The following MYEF2 variants were observed in gnomAD, a reference collection of about 807,000 sequenced individuals.
The protein encoded by MYEF2 is myelin gene expression factor 2.
Under a neutral mutation model 75.2 loss-of-function variants are expected in MYEF2, and 37 were observed. The ratio of observed to expected loss-of-function variants is 0.49; its 90% CI spans 0.38 to 0.65. MYEF2 has a LOEUF of 0.65. Ranked by LOEUF, MYEF2 falls within the 30% of genes least tolerant of loss-of-function variation. The pLI is 0.00. For synonymous variants in MYEF2, 195 were observed against 241.6 expected (o/e 0.81, Z 1.79); for missense variants, 634 against 771.4 (o/e 0.82, Z 2.11).
At chr15:48,146,900 C>G (rs1192732116) in intron 16 of MYEF2, among the ~76,000 whole-genome samples, 1 of 151,840 alleles carries the variant, frequency 6.6e-6, no homozygotes, top group Non-Finnish European at 1.5e-5. Context: ...ACACTTAATT[C>G]TATATTATTA....
chr15:48,155,165 C>T (rs1457112468), intron 9 of MYEF2, among the ~76,000 whole-genome samples: 2 of 151,716 alleles, frequency 1.3e-5, no homozygotes, highest in Non-Finnish European at 2.9e-5. Flanking sequence ...CTAAGCCCAG[C>T]AATAACACCC....
intron 14 of MYEF2, among the ~76,000 whole-genome samples, chr15:48,150,558 C>T (rs894720796): frequency 4.6e-5 from 7 of 151,830 alleles, no homozygotes; most frequent in Admixed American, 4.0e-4. Flanking sequence ...TGGAAATAGA[C>T]GGATGGGAGA....
chr15:48,161,039 TA>T, intron 5 of MYEF2, among the ~76,000 whole-genome samples: 1 of 152,244 alleles, frequency 6.6e-6, no homozygotes, highest in African/African-American at 2.4e-5. Flanking sequence ...CTTCAACTAG[TA>T]TAGTAAGCTA....
chr15:48,174,123 T>C (rs2040432442), intron 1 of MYEF2, among the ~76,000 whole-genome samples: 1 of 152,064 alleles, frequency 6.6e-6, no homozygotes. Flanking sequence ...AACAATATGG[T>C]ACTGGTACAA....
At chr15:48,143,117 C>G in intron 16 of MYEF2, 46 bp from the exon 17 acceptor site, 1 of 1,347,134 alleles carries the variant, frequency 7.4e-7, no homozygotes, top group Non-Finnish European at 9.8e-7. Flanking sequence ...TAAATAAGTT[C>G]TATTTCACTT....
At position 48,159,741 on chromosome 15, in the gene MYEF2, G is replaced by C. The variant is rs2039864246; in HGVS notation, c.589C>G (p.His197Asp). The change falls in exon 6 of 17, where the codon CAC becomes GAC. Residue 197 changes from histidine (H) to aspartate (D), a missense_variant. Transcript: ENST00000324324. The part of the protein sequence containing the change: ...QRTGGSFPGG[H>D]VPDMGSGLMN... ...AACCCTGATCCCATATCAGGGACGT[G>C]TCCTCCTGGAAATGATCCTCCTGTT... 1 of 1,613,484 alleles carries C rather than the reference G, an allele frequency of 6.2e-7. No individual in the cohort carries two copies. Among genetic ancestry groups the C allele is most frequent in the Non-Finnish European group, 8.5e-7 (1 of 1,179,774 alleles).
Position 48,178,065 on chromosome 15 carries a change from A to T in MYEF2, c.161+12T>A. The T allele has an allele frequency of 6.3e-7, 1 of 1,593,352 alleles. No individual in the cohort carries two copies. Among genetic ancestry groups the T allele is most frequent in the Non-Finnish European group, 8.5e-7 (1 of 1,170,264 alleles). On this transcript the variant is annotated intron_variant, in intron 1 of 16. Transcript: ENST00000324324. ...CCCACCTCGCCCCGGTTCCCGGAGG[A>T]AAAGACAATACATTTTAACGCCATT...
chr15:48,137,005 G>GTT lies in MYEF2; in HGVS notation c.*5902_*5903insAA. Reference sequence around the variant, plus strand: ...GCCCATTATTAAGTCTATTCGCAAAGGAAAAACTTTAAAATTTCATTTCAA... The same window carrying GTT: ...GCCCATTATTAAGTCTATTCGCAAAGTTGAAAAACTTTAAAATTTCATTTCAA... On this transcript the variant is annotated 3_prime_UTR_variant, in exon 17 of 17. Transcript: ENST00000324324. 1 of 1,540,460 alleles carries GTT rather than the reference G, an allele frequency of 6.5e-7. No homozygotes were observed. Among genetic ancestry groups the GTT allele is most frequent in the Non-Finnish European group, 8.7e-7 (1 of 1,144,570 alleles).
At chr15:48,163,405 G>A (rs1370840511) in intron 5 of MYEF2, among the ~76,000 whole-genome samples, 3 of 152,184 alleles carry the variant, frequency 2.0e-5, no homozygotes, top group Non-Finnish European at 4.4e-5. Flanking sequence ...AGAGAGGTGA[G>A]AAAGCTGCAG....
At chr15:48,161,594 C>T (rs920238793) in intron 5 of MYEF2, among the ~76,000 whole-genome samples, 3 of 151,370 alleles carry the variant, frequency 2.0e-5, no homozygotes, top group Non-Finnish European at 4.4e-5. Context: ...GATTATATAA[C>T]TCCAGGGTCT....
chr15:48,171,120 A>C (rs2040324685), intron 1 of MYEF2, among the ~76,000 whole-genome samples: 1 of 152,238 alleles, frequency 6.6e-6, no homozygotes, highest in Non-Finnish European at 1.5e-5. Context: ...GCCAAAAGGC[A>C]CAAAGGCCTT....
chr15:48,143,096 A>C, intron 16 of MYEF2, 25 bp from the exon 17 acceptor site: 1 of 1,473,168 alleles, frequency 6.8e-7, no homozygotes, highest in Non-Finnish European at 9.0e-7. Context: ...TTACAGAATT[A>C]CTAGTCAGTT....
At chr15:48,153,704 T>C (rs2140854864) in intron 10 of MYEF2, 88 bp downstream of exon 10, 2 of 1,073,206 alleles carry the variant, frequency 1.9e-6, no homozygotes, top group South Asian at 2.8e-5. Flanking sequence ...TAGAGTCCTT[T>C]AAACATTATT....
chr15:48,176,154 G>C (rs951910776), intron 1 of MYEF2, among the ~76,000 whole-genome samples: 4 of 138,646 alleles, frequency 2.9e-5, no homozygotes, highest in African/African-American at 1.1e-4. Flanking sequence ...ATTATTAAAA[G>C]TATATGGTAA....
chr15:48,156,365 G>C (rs1193097239), intron 9 of MYEF2, among the ~76,000 whole-genome samples: 1 of 151,224 alleles, frequency 6.6e-6, no homozygotes, highest in Non-Finnish European at 1.5e-5. Flanking sequence ...AATTAACCAA[G>C]AAAAAAATAA....
chr15:48,172,516 A>C, intron 1 of MYEF2, among the ~76,000 whole-genome samples: 1 of 151,952 alleles, frequency 6.6e-6, no homozygotes, highest in East Asian at 1.9e-4. Flanking sequence ...AATCAGGGCA[A>C]AAATAAATGA....
intron 6 of MYEF2, 33 bp downstream of exon 6, chr15:48,159,580 A>C: frequency 6.3e-7 from 1 of 1,584,590 alleles, no homozygotes; most frequent in Non-Finnish European, 8.6e-7. Context: ...TATCTATCTG[A>C]ATGACAAATT....
chr15:48,157,726 T>C, intron 9 of MYEF2: 1 of 1,140,808 alleles, frequency 8.8e-7, no homozygotes, highest in Non-Finnish European at 1.1e-6. Context: ...AGAGGACTTT[T>C]TTTCCTTCAA....
intron 2 of MYEF2, among the ~76,000 whole-genome samples, chr15:48,168,360 TA>T (rs934618599): frequency 2.0e-5 from 3 of 152,080 alleles, no homozygotes; most frequent in Non-Finnish European, 4.4e-5. Context: ...AAACTTCAAC[TA>T]GACAAAGCAA....
Sources: allele counts gnomAD v4.1 joint callset (sites outside exome capture counted in the v4.1 genomes callset), GRCh38; gene constraint gnomAD v4.1.1; transcripts MANE v1.5; gene names NCBI Gene and HGNC (gene_info 2026-07-23, HGNC 2026-07-21).